The following MICAL3 variants were observed in gnomAD, a reference collection of about 807,000 sequenced individuals.
MICAL3 encodes the protein [F-actin]-monooxygenase MICAL3.
Under a neutral mutation model 207.4 loss-of-function variants are expected in MICAL3, and 62 were observed. The observed-to-expected ratio is 0.30, with a 90% confidence interval of 0.24 to 0.37. The LOEUF (loss-of-function observed/expected upper bound fraction) is 0.37. MICAL3 is among the 10% of genes least tolerant of loss of function. The pLI is 1.00. For synonymous variants in MICAL3, 1,077 were observed against 1,069.3 expected (o/e 1.01, Z -0.14); for missense variants, 2,368 against 2,635.6 (o/e 0.90, Z 2.22).
chr22:18,008,169 G>C (rs1174865944), intron 1 of MICAL3, among the ~76,000 whole-genome samples: 1 of 152,094 alleles, frequency 6.6e-6, no homozygotes, highest in Non-Finnish European at 1.5e-5. Flanking sequence ...GAACCCAGGA[G>C]GTGGAGATTG....
chr22:17,799,101 C>T (rs1370063009), intron 29 of MICAL3, among the ~76,000 whole-genome samples: 1 of 152,154 alleles, frequency 6.6e-6, no homozygotes, highest in African/African-American at 2.4e-5. Flanking sequence ...TTTCAGAAAG[C>T]AGCCAAGTGC....
At chr22:17,878,161 CCTT>C (rs1376715200) in intron 16 of MICAL3, among the ~76,000 whole-genome samples, 3 of 152,238 alleles carry the variant, frequency 2.0e-5, no homozygotes, top group Non-Finnish European at 4.4e-5. Flanking sequence ...CCTTCCCCTC[CCTT>C]CTTCTTTTAG....
At position 17,906,564 on chromosome 22, in the gene MICAL3, C is replaced by A. The variant is rs757167479; in HGVS notation, c.249G>T (p.Ala83=). Residue 83 remains alanine, a synonymous_variant, in exon 2 of 32, where the codon GCG becomes GCT. Transcript: ENST00000441493. The part of the protein sequence containing the change: ...GSHKDYKKGK[A]CTNTKCLIIG... Reference sequence around the variant, plus strand: ...CAAAGCTTACCTTGGTGTTAGTGCACGCTTTTCCCTTTTTGTAGTCTTTGT... The same window carrying A: ...CAAAGCTTACCTTGGTGTTAGTGCAAGCTTTTCCCTTTTTGTAGTCTTTGT... The A allele has an allele frequency of 6.2e-7, 1 of 1,611,648 alleles. No individual in the cohort carries two copies. Among genetic ancestry groups the A allele is most frequent in the Non-Finnish European group, 8.5e-7 (1 of 1,178,248 alleles).
At chr22:17,896,462 T>C in intron 8 of MICAL3, 101 bp from the exon 9 acceptor site, 1 of 812,380 alleles carries the variant, frequency 1.2e-6, no homozygotes, top group Non-Finnish European at 2.0e-6. Flanking sequence ...CAGTAGTGTT[T>C]GGCAACTGTT....
At chr22:17,987,666 A>G (rs1392632566) in intron 1 of MICAL3, among the ~76,000 whole-genome samples, 1 of 152,218 alleles carries the variant, frequency 6.6e-6, no homozygotes, top group African/African-American at 2.4e-5. Context: ...AGCTTCAAAG[A>G]CAGAAACAGC....
chr22:17,974,814 G>A (rs919472152), intron 1 of MICAL3, among the ~76,000 whole-genome samples: 5 of 151,496 alleles, frequency 3.3e-5, no homozygotes, highest in African/African-American at 1.2e-4. Flanking sequence ...CTTACTGTGT[G>A]ATGAGCACTA....
intron 29 of MICAL3, among the ~76,000 whole-genome samples, chr22:17,801,253 C>T (rs1475128859): frequency 1.3e-5 from 1 of 75,106 alleles, no homozygotes; most frequent in Non-Finnish European, 2.4e-5. Context: ...CCCGGGTTCA[C>T]GCCATTCTCC....
intron 1 of MICAL3, among the ~76,000 whole-genome samples, chr22:18,017,954 G>A (rs762855749): frequency 1.3e-5 from 2 of 151,852 alleles, no homozygotes; most frequent in Non-Finnish European, 1.5e-5. Flanking sequence ...GTTTCACCAT[G>A]TTAGCCAGGA....
intron 27 of MICAL3, chr22:17,814,841 G>C (rs567782864): frequency 4.6e-5 from 6 of 129,804 alleles, no homozygotes; most frequent in African/African-American, 1.7e-4. Context: ...GGGCCGTCCC[G>C]TAGGTCATCC....
intron 24 of MICAL3, 54 bp from the exon 25 acceptor site, chr22:17,821,563 A>C: frequency 7.0e-7 from 1 of 1,423,134 alleles, no homozygotes; most frequent in East Asian, 2.6e-5. Context: ...ATGTGCCAGG[A>C]AGGCACCCCT....
At chr22:17,849,647 T>A (rs1925044215) in intron 19 of MICAL3, among the ~76,000 whole-genome samples, 1 of 24,326 alleles carries the variant, frequency 4.1e-5, no homozygotes, top group Non-Finnish European at 7.1e-5. Context: ...GAATGGAATG[T>A]GTGTGTGTGT....
intron 19 of MICAL3, 32 bp from the exon 20 acceptor site, chr22:17,842,049 G>A: frequency 6.3e-7 from 1 of 1,579,378 alleles, no homozygotes; most frequent in Non-Finnish European, 8.6e-7. Context: ...ACTGCACTGA[G>A]GTCCAACCAC....
intron 1 of MICAL3, among the ~76,000 whole-genome samples, chr22:18,018,033 C>T (rs1924181198): frequency 6.6e-6 from 1 of 151,506 alleles, no homozygotes; most frequent in African/African-American, 2.4e-5. Context: ...TACAGGCATG[C>T]CACCGCGCCC....
intron 1 of MICAL3, among the ~76,000 whole-genome samples, chr22:17,979,781 A>C (rs370115559): frequency 0.023 from 2,332 of 101,878 alleles, 51 homozygotes; most frequent in African/African-American, 0.083. Flanking sequence ...GGATTTAAAA[A>C]AACAAAAAAA....
At chr22:17,857,316 T>G (rs1926038442) in intron 19 of MICAL3, among the ~76,000 whole-genome samples, 1 of 152,118 alleles carries the variant, frequency 6.6e-6, no homozygotes, top group South Asian at 2.1e-4. Flanking sequence ...GGGAACCTAT[T>G]GTGAAGTGAG....
intron 1 of MICAL3, among the ~76,000 whole-genome samples, chr22:17,987,064 C>T (rs554461178): frequency 6.6e-6 from 1 of 151,882 alleles, no homozygotes; most frequent in South Asian, 2.1e-4. Flanking sequence ...ACAGCGAGAC[C>T]CCATCTCCAC....
chr22:17,884,240 G>A (rs1301145307), intron 16 of MICAL3: 1 of 1,500,744 alleles, frequency 6.7e-7, no homozygotes, highest in Non-Finnish European at 9.1e-7. Flanking sequence ...GGCCTGGAGA[G>A]ACAGCACCCA....
chr22:17,911,486 G>A (rs1185964642), intron 1 of MICAL3, among the ~76,000 whole-genome samples: 3 of 152,078 alleles, frequency 2.0e-5, no homozygotes, highest in African/African-American at 4.8e-5. Flanking sequence ...TGTGAACTGC[G>A]CCTTCCCCTA....
chr22:17,806,390 T>C (rs771998677), intron 29 of MICAL3, among the ~76,000 whole-genome samples: 1 of 152,066 alleles, frequency 6.6e-6, no homozygotes, highest in African/African-American at 2.4e-5. Context: ...GAGCCTCTTG[T>C]TTGAGACTTG....
Sources: allele counts gnomAD v4.1 joint callset (sites outside exome capture counted in the v4.1 genomes callset), GRCh38; gene constraint gnomAD v4.1.1; transcripts MANE v1.5; gene names NCBI Gene and HGNC (gene_info 2026-07-23, HGNC 2026-07-21).